CCDC50: variants seen among roughly 807,000 people sequenced by gnomAD.
The protein encoded by CCDC50 is coiled-coil domain containing 50.
A neutral mutation model predicts 70.2 loss-of-function variants in CCDC50; 54 were observed. The observed-to-expected ratio is 0.77, with a 90% CI of 0.62 to 0.96. CCDC50 has a LOEUF of 0.96. Among genes scored for constraint, CCDC50 ranks in the 50% least tolerant of loss-of-function variants. The probability of loss-of-function intolerance (pLI) is 0.00; values close to 1 mark genes in which losing one functional copy is unlikely to be tolerated. For synonymous variants in CCDC50, 216 were observed against 198.8 expected, an observed-to-expected ratio of 1.09 and a Z score of -0.73; for missense variants, 558 against 578.7, an observed-to-expected ratio of 0.96 and a Z score of 0.37.
In CCDC50 at chr3:191,358,025, A is replaced by G; in HGVS notation, c.140A>G (p.Gln47Arg). The G allele has an allele frequency of 6.2e-7, 1 of 1,614,042 alleles. No individual in the cohort carries two copies. Among genetic ancestry groups the G allele is most frequent in the Non-Finnish European group, 8.5e-7 (1 of 1,179,914 alleles). ...EIEHHLASNV[Q>R]RNRLVQHDLQ... ...GAGCATCATTTGGCATCGAACGTTC[A>G]GCGGAACCGTTTGGTCCAGCATGAT... is the stretch of plus-strand genomic sequence containing the variant. The change falls in exon 3 of 12, where the codon CAG becomes CGG. Residue 47 changes from glutamine to arginine, a missense_variant. Transcript: ENST00000392455.
Position 191,375,063 on chromosome 3 carries a change from C to T in CCDC50, c.450C>T (p.Asp150=). The part of the protein sequence containing the change: ...YADSYYYEDG[D]QPGSRRAREL... Reference sequence around the variant, plus strand: ...TCACATCCCTCTGCCTCCACTCAGACCAACCAGGGTCAAGGAGGGCCAGGG... The same window carrying T: ...TCACATCCCTCTGCCTCCACTCAGATCAACCAGGGTCAAGGAGGGCCAGGG... The change falls in exon 6 of 12, where the codon GAC becomes GAT. Residue 150 remains aspartate (D), a splice_region_variant and synonymous_variant. Coordinates refer to ENST00000392455, the MANE Select transcript of CCDC50 (RefSeq NM_178335.3). 6.2e-7 allele frequency: 1 copy of T among 1,613,320 alleles called. No individual in the cohort carries two copies. The highest frequency in any genetic ancestry group is 1.1e-5 in the South Asian group (1 of 91,040).
chr3:191,379,618 T>C (rs1423975360), intron 6 of CCDC50, among the ~76,000 whole-genome samples: 1 of 152,038 alleles, frequency 6.6e-6, no homozygotes, highest in Non-Finnish European at 1.5e-5. Flanking sequence ...GTTTATTTAC[T>C]CTCAGAGGAA....
At chr3:191,386,699 G>A (rs578158970) in intron 10 of CCDC50, among the ~76,000 whole-genome samples, 1 of 152,136 alleles carries the variant, frequency 6.6e-6, no homozygotes, top group Non-Finnish European at 1.5e-5. Flanking sequence ...TTCAAGCTGA[G>A]AATCAAATCA....
chr3:191,376,244 G>A (rs958760696), intron 6 of CCDC50, among the ~76,000 whole-genome samples: 6 of 152,142 alleles, frequency 3.9e-5, no homozygotes, highest in African/African-American at 1.4e-4. Flanking sequence ...GAACTTAAAA[G>A]TTTAAAGTCA....
At chr3:191,355,822 C>G (rs1005043109) in intron 1 of CCDC50, among the ~76,000 whole-genome samples, 2 of 152,154 alleles carry the variant, frequency 1.3e-5, no homozygotes, top group Non-Finnish European at 2.9e-5. Flanking sequence ...GAATATAGTT[C>G]TTGGGCAAGA....
intron 6 of CCDC50, among the ~76,000 whole-genome samples, chr3:191,378,501 T>C (rs184140): frequency 0.58 from 87,715 of 151,914 alleles, 26,990 homozygotes; most frequent in African/African-American, 0.8. Flanking sequence ...GGTAGGCATG[T>C]TCTGTCATCC....
chr3:191,339,784 T>C (rs921172537), intron 1 of CCDC50, among the ~76,000 whole-genome samples: 4 of 152,224 alleles, frequency 2.6e-5, no homozygotes, highest in South Asian at 2.1e-4. Flanking sequence ...ACTCTGATAC[T>C]GAAGACTCTG....
chr3:191,330,994 G>C (rs1206311626), intron 1 of CCDC50, among the ~76,000 whole-genome samples: 1 of 152,158 alleles, frequency 6.6e-6, no homozygotes, highest in Non-Finnish European at 1.5e-5. Flanking sequence ...TGAAGACTTA[G>C]GGCTTTCACC....
chr3:191,357,846 C>T (rs1712343103), intron 2 of CCDC50, 152 bp from the exon 3 acceptor site: 2 of 969,092 alleles, frequency 2.1e-6, no homozygotes, highest in African/African-American at 1.6e-5. Flanking sequence ...GATAATAATT[C>T]CTTGCTCTTT....
chr3:191,383,310 G>A (rs1713381106), intron 10 of CCDC50, among the ~76,000 whole-genome samples: 1 of 152,074 alleles, frequency 6.6e-6, no homozygotes, highest in African/African-American at 2.4e-5. Context: ...TGTGGCTATG[G>A]TGTACATACT....
intron 1 of CCDC50, among the ~76,000 whole-genome samples, chr3:191,336,668 T>C (rs1386948936): frequency 6.6e-6 from 1 of 152,222 alleles, no homozygotes; most frequent in East Asian, 1.9e-4. Flanking sequence ...TACTTGATAT[T>C]AGCTAAATCT....
intron 6 of CCDC50, among the ~76,000 whole-genome samples, chr3:191,378,735 T>TTTTTG (rs1553844199): frequency 6.6e-6 from 1 of 151,556 alleles, no homozygotes; most frequent in African/African-American, 2.4e-5. Flanking sequence ...GCCACTGTTT[T>TTTTTG]TTTGTTTGTT....
At chr3:191,383,436 C>G (rs1249744667) in intron 10 of CCDC50, among the ~76,000 whole-genome samples, 1 of 150,640 alleles carries the variant, frequency 6.6e-6, no homozygotes, top group East Asian at 1.9e-4. Context: ...TTTTTAATTG[C>G]TTTTTGTTGC....
At chr3:191,344,894 A>G (rs1171073509) in intron 1 of CCDC50, among the ~76,000 whole-genome samples, 1 of 152,130 alleles carries the variant, frequency 6.6e-6, no homozygotes, top group African/African-American at 2.4e-5. Flanking sequence ...GCCAATTCTA[A>G]TATATGTCCC....
intron 1 of CCDC50, among the ~76,000 whole-genome samples, chr3:191,335,222 T>A (rs1718102244): frequency 1.3e-5 from 2 of 152,182 alleles, no homozygotes; most frequent in African/African-American, 2.4e-5. Flanking sequence ...AAATGCTGCT[T>A]GAAATCCCAG....
In CCDC50 at chr3:191,375,212, C is replaced by G; in HGVS notation, c.599C>G (p.Ser200Trp). The stretch of plus-strand genomic sequence containing the variant: ...GAAGAGCCAGAACAACATTGTTCAT[C>G]GAAGAGATCCCTGTCATCCTCTAGC... ...NLEEPEQHCSSKRSLSSSSSG... is the reference protein window; with the variant it reads ...NLEEPEQHCSWKRSLSSSSSG... The change falls in exon 6 of 12, where the codon TCG (serine) becomes TGG (tryptophan). Residue 200 changes from serine (S) to tryptophan (W), a missense_variant. Transcript: ENST00000392455. 6.2e-7 allele frequency: 1 copy of G among 1,613,668 alleles called. No individual in the cohort carries two copies. Among genetic ancestry groups the G allele is most frequent in the Non-Finnish European group, 8.5e-7 (1 of 1,179,802 alleles).
intron 1 of CCDC50, among the ~76,000 whole-genome samples, chr3:191,343,097 A>T (rs1711788771): frequency 6.6e-6 from 1 of 152,058 alleles, no homozygotes. Flanking sequence ...GTGTATACTG[A>T]GGGACTTTTC....
chr3:191,357,773 C>T (rs959986774), intron 2 of CCDC50, among the ~76,000 whole-genome samples: 13 of 151,014 alleles, frequency 8.6e-5, no homozygotes, highest in East Asian at 2.0e-4. Flanking sequence ...ACTTTGTTGC[C>T]GTGTGACCAA....
intron 11 of CCDC50, among the ~76,000 whole-genome samples, chr3:191,390,169 A>T (rs1463752360): frequency 2.0e-5 from 3 of 152,022 alleles, no homozygotes; most frequent in Non-Finnish European, 2.9e-5. Flanking sequence ...GATTCTTAAA[A>T]GGTGGTGGTG....
Sources: gnomAD v4.1 joint callset for allele counts (sites outside exome capture counted in the v4.1 genomes callset) on GRCh38, gnomAD v4.1.1 for gene constraint, MANE v1.5 for transcripts, NCBI Gene and HGNC (gene_info 2026-07-23, HGNC 2026-07-21) for gene names.